FAM234A: variants seen among roughly 807,000 people sequenced by gnomAD.
FAM234A encodes family with sequence similarity 234 member A, also known as protein FAM234A.
FAM234A carries 42 observed loss-of-function variants against 49.1 expected under a neutral mutation model. The observed-to-expected ratio is 0.86, with a 90% confidence interval of 0.67 to 1.11. The LOEUF is 1.11. FAM234A is among the 50% of genes least tolerant of loss of function. FAM234A has a pLI of 0.00. For missense variants in FAM234A, 815 were observed against 745.2 expected (o/e 1.09, Z -1.09); for synonymous variants, 369 against 316.2 (o/e 1.17, Z -1.77).
chr16:242,643 C>T (rs1438603231), intron 1 of FAM234A, among the ~76,000 whole-genome samples: 4 of 147,890 alleles, frequency 2.7e-5, no homozygotes, highest in South Asian at 2.2e-4. Flanking sequence ...GACAGAGTCT[C>T]GCTCTGTCGT....
chr16:238,593 C>T (rs1237124763), intron 1 of FAM234A, among the ~76,000 whole-genome samples: 12 of 151,226 alleles, frequency 7.9e-5, no homozygotes, highest in East Asian at 5.9e-4. Flanking sequence ...AGTGAAATCC[C>T]GTCTCTACTA....
downstream of FAM234A, chr16:268,502 C>A: frequency 1.9e-6 from 1 of 533,448 alleles, no homozygotes; most frequent in Middle Eastern, 5.0e-4. Flanking sequence ...GGATGGGGAG[C>A]AAGGCCAGCT....
chr16:246,219 AAATAAT>A (rs112986840), intron 1 of FAM234A, among the ~76,000 whole-genome samples: 4 of 150,636 alleles, frequency 2.7e-5, no homozygotes, highest in South Asian at 2.1e-4. Context: ...TGTCTCAAAA[AAATAAT>A]AATAATAATA....
Position 265,999 on chromosome 16 carries a change from G to A in FAM234A, c.*977G>A, listed in dbSNP as rs2051682702. ...CATGGTGCTCTGTACTGCTCGGGCC[G>A]CCCAGGTCACAGAGCCTGAGCTTCG... On this transcript the variant is annotated 3_prime_UTR_variant, in exon 13 of 13. Coordinates refer to ENST00000399932, the MANE Select transcript of FAM234A (RefSeq NM_032039.4). 14 of 985,782 alleles carry A rather than the reference G, an allele frequency of 1.4e-5. No individual in the cohort carries two copies. The highest frequency in any genetic ancestry group is 1.7e-5 in the African/African-American group (1 of 57,234). The allele number at this position is 985,782 out of a possible 1,614,324, so 61.1% of individuals were successfully genotyped here. A position where few individuals can be genotyped will look rare whatever the true frequency, so the allele number is the denominator to read the frequency against.
intron 5 of FAM234A, 98 bp from the exon 6 acceptor site, chr16:261,286 G>C (rs2051454143): frequency 7.1e-7 from 1 of 1,416,476 alleles, no homozygotes; most frequent in African/African-American, 1.4e-5. Context: ...CGAGGGTGAT[G>C]CCTCAACAGG....
intron 1 of FAM234A, among the ~76,000 whole-genome samples, chr16:235,786 C>T (rs1253430925): frequency 6.6e-6 from 1 of 152,116 alleles, no homozygotes; most frequent in African/African-American, 2.4e-5. Flanking sequence ...TAGTACTCCA[C>T]GAAAGAACTT....
chr16:234,881 C>G (rs1410850366), intron 1 of FAM234A, 24 bp downstream of exon 1: 1 of 152,198 alleles, frequency 6.6e-6, no homozygotes, highest in Non-Finnish European at 1.5e-5. Flanking sequence ...GCCTCGTACT[C>G]GCGCGTGCAC....
At chr16:266,625 A>T (rs1479510579), downstream of FAM234A, among the ~76,000 whole-genome samples, 1 of 152,206 alleles carries the variant, frequency 6.6e-6, no homozygotes, top group Non-Finnish European at 1.5e-5. Context: ...TCAGAGCCAC[A>T]CAGGTGTAAC....
chr16:242,185 C>T (rs2050640326), intron 1 of FAM234A, among the ~76,000 whole-genome samples: 1 of 152,168 alleles, frequency 6.6e-6, no homozygotes, highest in African/African-American at 2.4e-5. Context: ...GTGTGGCAGC[C>T]TCAGTGGCCT....
chr16:262,581 T>C (rs768435978), intron 8 of FAM234A, 28 bp downstream of exon 8: 3 of 1,552,348 alleles, frequency 1.9e-6, no homozygotes, highest in African/African-American at 2.7e-5. Context: ...CCTTTCTCCA[T>C]GCAGAGCGCC....
In FAM234A at chr16:264,018, C is replaced by T. The variant is rs2051591431; in HGVS notation, c.1191C>T (p.Ile397=). 1 of 1,610,902 alleles carries T rather than the reference C, an allele frequency of 6.2e-7. No homozygotes were observed. The highest frequency in any genetic ancestry group is 8.5e-7 in the Non-Finnish European group (1 of 1,178,244). Residue 397 remains isoleucine (I), a splice_region_variant and synonymous_variant, in exon 11 of 13, where the codon ATC becomes ATT. Transcript: ENST00000399932. ...CACAGTGTCCCCTCCCTCCCCAGATCCTGTTTCTGGACCTTGGCACTGGAG... is the reference window on the plus strand; with the variant it reads ...CACAGTGTCCCCTCCCTCCCCAGATTCTGTTTCTGGACCTTGGCACTGGAG... ...VENGTGTDRQ[I]LFLDLGTGAV... is the part of the protein sequence containing the mutation.
chr16:251,689 T>TG (rs1163830269), intron 2 of FAM234A, among the ~76,000 whole-genome samples: 12 of 142,032 alleles, frequency 8.4e-5, no homozygotes, highest in African/African-American at 3.1e-4. Flanking sequence ...GTTTTTTTTT[T>TG]TTTTTTTTTT....
chr16:266,322 AC>A (rs898415334), downstream of FAM234A, among the ~76,000 whole-genome samples: 1 of 151,812 alleles, frequency 6.6e-6, no homozygotes, highest in African/African-American at 2.4e-5. Context: ...CGGTTTGAGG[AC>A]CCCTGCCCAC....
chr16:237,728 T>A (rs1422561497), intron 1 of FAM234A, among the ~76,000 whole-genome samples: 1 of 151,808 alleles, frequency 6.6e-6, no homozygotes, highest in East Asian at 1.9e-4. Context: ...TTTTTTTTTT[T>A]TGAGACAGAG....
intron 8 of FAM234A, 34 bp downstream of exon 8, chr16:262,587 G>C: frequency 6.5e-7 from 1 of 1,544,174 alleles, no homozygotes; most frequent in Middle Eastern, 2.1e-4. Flanking sequence ...TCCATGCAGA[G>C]CGCCCACCCC....
intron 12 of FAM234A, 26 bp from the exon 13 acceptor site, chr16:264,783 CCT>C (rs1180145385): frequency 1.2e-6 from 2 of 1,607,328 alleles, no homozygotes; most frequent in African/African-American, 2.7e-5. Flanking sequence ...CCTGAGCCGC[CCT>C]GACAGCTGTG....
At chr16:244,837 A>G (rs1450596124) in intron 1 of FAM234A, among the ~76,000 whole-genome samples, 6 of 149,348 alleles carry the variant, frequency 4.0e-5, no homozygotes, top group Admixed American at 6.7e-5. Flanking sequence ...ACAGGCATGC[A>G]CCACCACGCC....
chr16:254,620 C>G lies in FAM234A; in HGVS notation c.207C>G (p.Val69=). 1.2e-6 allele frequency: 2 copies of G among 1,613,636 alleles called. No individual in the cohort carries two copies. Among genetic ancestry groups the G allele is most frequent in the South Asian group, 2.2e-5 (2 of 91,072 alleles). Residue 69 remains valine, a synonymous_variant, in exon 3 of 13, where the codon GTC becomes GTG. Coordinates refer to ENST00000399932, the MANE Select transcript of FAM234A (RefSeq NM_032039.4). ...TTGTGGTGTTCGTCGTCTCATTCGT[C>G]ATCCCGTGTCCAGACCGGCCGGCGT... ...CLFVVFVVSF[V]IPCPDRPASQ... is the part of the protein sequence containing the mutation.
At chr16:261,081 T>G in intron 5 of FAM234A, 1 of 293,078 alleles carries the variant, frequency 3.4e-6, no homozygotes, top group Non-Finnish European at 6.7e-6. Context: ...GACACGCAGA[T>G]AGGAGAAAAG....
Sources: allele counts gnomAD v4.1 joint callset (sites outside exome capture counted in the v4.1 genomes callset), GRCh38; gene constraint gnomAD v4.1.1; transcripts MANE v1.5; gene names NCBI Gene and HGNC (gene_info 2026-07-23, HGNC 2026-07-21).